CACNA1I: variants seen among roughly 807,000 people sequenced by gnomAD.
The protein encoded by CACNA1I is calcium voltage-gated channel subunit alpha1 I, also known as voltage-dependent T-type calcium channel subunit alpha-1I.
CACNA1I carries 74 observed loss-of-function variants against 201.6 expected under a neutral mutation model. The ratio of observed to expected loss-of-function variants is 0.37; its 90% confidence interval spans 0.30 to 0.45. The LOEUF is 0.45. CACNA1I is among the 20% of genes least tolerant of loss of function. CACNA1I has a pLI of 1.00. For missense variants in CACNA1I, 2,346 were observed against 3,138.1 expected (o/e 0.75, Z 6.03); for synonymous variants, 1,431 against 1,345.2 (o/e 1.06, Z -1.40).
intron 3 of CACNA1I, among the ~76,000 whole-genome samples, chr22:39,611,671 T>C (rs1039601359): frequency 6.6e-6 from 1 of 152,182 alleles, no homozygotes; most frequent in African/African-American, 2.4e-5. Flanking sequence ...TATCTGAAGC[T>C]CAGATTTAAC....
intron 1 of CACNA1I, 84 bp from the exon 2 acceptor site, chr22:39,598,066 TG>T: frequency 4.1e-6 from 3 of 730,996 alleles, no homozygotes; most frequent in Non-Finnish European, 7.3e-6. Context: ...GTGTGTGTGG[TG>T]GGTTGCGGGT....
At chr22:39,603,447 C>G (rs1933125093) in intron 3 of CACNA1I, among the ~76,000 whole-genome samples, 1 of 152,058 alleles carries the variant, frequency 6.6e-6, no homozygotes, top group African/African-American at 2.4e-5. Flanking sequence ...CTTTTTAATT[C>G]ACAAGAACAC....
At chr22:39,646,049 C>G (rs11705208) in intron 7 of CACNA1I, among the ~76,000 whole-genome samples, 1 of 151,992 alleles carries the variant, frequency 6.6e-6, no homozygotes, top group African/African-American at 2.4e-5. Context: ...ATGTCCCAGG[C>G]GGATGGGGGC....
In CACNA1I at chr22:39,598,231, A is replaced by G; in HGVS notation, c.317A>G (p.Asp106Gly). 1 of 1,605,482 alleles carries G rather than the reference A, an allele frequency of 6.2e-7. No individual in the cohort carries two copies. The highest frequency in any genetic ancestry group is 8.5e-7 in the Non-Finnish European group (1 of 1,176,650). The change falls in exon 2 of 37, where the codon GAC becomes GGC. Residue 106 changes from aspartate (D) to glycine (G), a missense_variant. Asp to Gly is a moderately conservative substitution (Grantham distance 94). Coordinates refer to ENST00000402142, the MANE Select transcript of CACNA1I (RefSeq NM_021096.4). ...ATGTACCAGCCGTGCGACGACATGG[A>G]CTGCCTGTCCGACCGCTGCAAGATC... is the stretch of plus-strand genomic sequence containing the variant. ...LGMYQPCDDM[D>G]CLSDRCKILQ...
chr22:39,670,267 C>T, intron 25 of CACNA1I, 37 bp downstream of exon 25: 1 of 1,592,004 alleles, frequency 6.3e-7, no homozygotes, highest in South Asian at 1.1e-5. Flanking sequence ...GGCCACCCAG[C>T]TCTAAGCCCT....
chr22:39,662,141 G>T lies in CACNA1I; in HGVS notation c.3078G>T (p.Pro1026=). 2 of 1,525,002 alleles carry T rather than the reference G, an allele frequency of 1.3e-6. No homozygotes were observed. The highest frequency in any genetic ancestry group is 1.8e-6 in the Non-Finnish European group (2 of 1,140,178). 94.5% of individuals were successfully genotyped at this position (1,525,002 alleles called of 1,614,324 possible). Residue 1026 remains proline (P), a synonymous_variant, in exon 17 of 37, where the codon CCG becomes CCT. Transcript: ENST00000402142. ...GCGAGGTTGCCGCGGACGAGGGGCC[G>T]CCGCGGGCCGCACCCCTGCACACCC... ...RVCEVAADEG[P]PRAAPLHTPH...
intron 1 of CACNA1I, among the ~76,000 whole-genome samples, chr22:39,578,720 T>G (rs1328506865): frequency 6.6e-6 from 1 of 152,152 alleles, no homozygotes; most frequent in Non-Finnish European, 1.5e-5. Context: ...GATTCTTTCC[T>G]CACTCCCCGT....
intron 1 of CACNA1I, among the ~76,000 whole-genome samples, chr22:39,588,821 C>T (rs971853498): frequency 6.6e-6 from 1 of 152,228 alleles, no homozygotes; most frequent in African/African-American, 2.4e-5. Context: ...ACCTTCTTCA[C>T]TGTAGATTGG....
rs377271884 is a variant in CACNA1I at position 39,677,320 on chromosome 22, G to A, written c.4855-21G>A. ...CCCACCCGCTCCCCAGCCCCACCCG[G>A]CCTCACCTGTCCTCCCGCAGGTGGG... On this transcript the variant is annotated intron_variant, in intron 29 of 36. Transcript: ENST00000402142. This position sits in a 1 kb window ranked among gnomAD's most constrained non-coding sequence, Gnocchi z 4.8. 1.9e-6 allele frequency: 3 copies of A among 1,559,864 alleles called. No homozygotes were observed. In the African/African-American group the frequency reaches 4.1e-5, roughly 21 times the overall value.
chr22:39,628,814 A>G (rs1243873961), intron 4 of CACNA1I, among the ~76,000 whole-genome samples: 1 of 152,116 alleles, frequency 6.6e-6, no homozygotes, highest in Admixed American at 6.5e-5. Context: ...TGGCCAGGCC[A>G]CAGCCTCGGC....
intron 15 of CACNA1I, 92 bp from the exon 16 acceptor site, chr22:39,661,016 C>T: frequency 9.6e-7 from 1 of 1,041,790 alleles, no homozygotes. Flanking sequence ...CATTTCTGCT[C>T]CTTCCTTGTT....
chr22:39,634,570 C>G lies in CACNA1I; in HGVS notation c.586C>G (p.Arg196Gly). ...LKAINRVPSM[R>G]ILVNLLLDTL... is the part of the protein sequence containing the mutation. Reference sequence around the variant, plus strand: ...TCCACCTTTTCCCCTCCCAGGTATGCGGATCCTGGTGAACCTGCTCCTGGA... The same window carrying G: ...TCCACCTTTTCCCCTCCCAGGTATGGGGATCCTGGTGAACCTGCTCCTGGA... The change falls in exon 5 of 37, where the codon CGG becomes GGG. Residue 196 changes from arginine to glycine, a missense_variant. Arg to Gly is a moderately radical substitution (Grantham distance 125). This residue lies in a region of CACNA1I where 227 missense variants were observed against 412.5 expected (regional missense o/e 0.55). Coordinates refer to ENST00000402142, the MANE Select transcript of CACNA1I (RefSeq NM_021096.4). 6.2e-7 allele frequency: 1 copy of G among 1,613,810 alleles called. No individual in the cohort carries two copies. Among genetic ancestry groups the G allele is most frequent in the Non-Finnish European group, 8.5e-7 (1 of 1,179,778 alleles).
chr22:39,648,084 C>T lies in CACNA1I; in HGVS notation c.1567+158C>T, dbSNP rs1384098955. The T allele has an allele frequency of 7.7e-6, 5 of 650,826 alleles. No individual in the cohort carries two copies. The highest frequency in any genetic ancestry group is 1.3e-5 in the Non-Finnish European group (5 of 381,058). The allele number at this position is 650,826 out of a possible 1,614,324, so 40.3% of individuals were successfully genotyped here. On this transcript the variant is annotated intron_variant, in intron 9 of 36. Coordinates refer to ENST00000402142, the MANE Select transcript of CACNA1I (RefSeq NM_021096.4). This position sits in a 1 kb window ranked among gnomAD's most constrained non-coding sequence, Gnocchi z 5.4. ...CTCTATAAAGTGAGGACAGGGGCCC[C>T]CAGCACGTGGCCGTCCACGGCGGGA...
intron 2 of CACNA1I, among the ~76,000 whole-genome samples, chr22:39,599,138 C>T (rs1347033595): frequency 2.0e-5 from 3 of 148,184 alleles, no homozygotes; most frequent in South Asian, 2.2e-4. Context: ...TTAGTAGAGA[C>T]GGGGTTTCAC....
Position 39,679,414 on chromosome 22 carries a change from G to T in CACNA1I, c.5363G>T (p.Gly1788Val). 1 of 1,434,610 alleles carries T rather than the reference G, an allele frequency of 7.0e-7. No homozygotes were observed. Among genetic ancestry groups the T allele is most frequent in the Non-Finnish European group, 9.0e-7 (1 of 1,106,992 alleles). 88.9% of individuals were successfully genotyped at this position (1,434,610 alleles called of 1,614,324 possible). A position where few individuals can be genotyped will look rare whatever the true frequency, so the allele number is the denominator to read the frequency against. ...GGCGGCGGGGGCGACACCGAGGGCG[G>T]CTTGTGCCGGCGCTGCTACTCGCCT... ...GAGGGGDTEGGLCRRCYSPAQ... is the reference protein window; with the variant it reads ...GAGGGGDTEGVLCRRCYSPAQ... Residue 1788 changes from glycine (G) to valine (V), a missense_variant, in exon 32 of 37, where the codon GGC becomes GTC. Coordinates refer to ENST00000402142, the MANE Select transcript of CACNA1I (RefSeq NM_021096.4).
In CACNA1I at chr22:39,682,802, A is replaced by G. The variant is rs960672539; in HGVS notation, c.5830+141A>G. ...AGAAAGAACCAGATGGATATCTGAC[A>G]ATGAGAGATAGACTCTCAGGCCTGA... is the stretch of plus-strand genomic sequence containing the variant. On this transcript the variant is annotated intron_variant, in intron 35 of 36. Transcript: ENST00000402142. 13 of 668,182 alleles carry G rather than the reference A, an allele frequency of 1.9e-5. No homozygotes were observed. In the African/African-American group the frequency reaches 2.4e-4, roughly 12 times the overall value. 41.4% of individuals were successfully genotyped at this position (668,182 alleles called of 1,614,324 possible). A position where few individuals can be genotyped will look rare whatever the true frequency, so the allele number is the denominator to read the frequency against.
Position 39,686,178 on chromosome 22 carries a change from C to A in CACNA1I, c.6445C>A (p.Pro2149Thr). ...CCCGCCGCCAGCCCCCGGCCTCACG[C>A]CCGCCAGGAAGTTCAGCAGCACCAG... Reference protein sequence around the residue: ...PPPPPAPGLTPARKFSSTSSL... With the variant: ...PPPPPAPGLTTARKFSSTSSL... Residue 2149 changes from proline to threonine, a missense_variant, in exon 37 of 37, where the codon CCC becomes ACC. Pro to Thr is a conservative substitution (Grantham distance 38). Coordinates refer to ENST00000402142, the MANE Select transcript of CACNA1I (RefSeq NM_021096.4). The A allele has an allele frequency of 7.8e-7, 1 of 1,287,390 alleles. No homozygotes were observed. Among genetic ancestry groups the A allele is most frequent in the South Asian group, 2.4e-5 (1 of 41,180 alleles). The allele number at this position is 1,287,390 out of a possible 1,614,324, so 79.7% of individuals were successfully genotyped here. A position where few individuals can be genotyped will look rare whatever the true frequency, so the allele number is the denominator to read the frequency against.
chr22:39,646,542 C>T (rs56032562), intron 7 of CACNA1I, 27 bp from the exon 8 acceptor site: 28,912 of 1,517,790 alleles, frequency 0.019, 331 homozygotes, highest in South Asian at 0.023. Context: ...TGTCCCTGTC[C>T]CTGTCCTCTC....
intron 1 of CACNA1I, among the ~76,000 whole-genome samples, chr22:39,592,843 G>A (rs918290004): frequency 1.3e-5 from 2 of 152,202 alleles, no homozygotes; most frequent in Admixed American, 6.5e-5. Flanking sequence ...GGCTCAAGCC[G>A]GAGACCTTGA....
Sources: gnomAD v4.1 joint callset for allele counts (sites outside exome capture counted in the v4.1 genomes callset) on GRCh38, gnomAD v4.1.1 for gene constraint, gnomAD v4.1.1 regional missense constraint, Gnocchi (gnomAD v3.1) non-coding constraint, MANE v1.5 for transcripts, NCBI Gene and HGNC (gene_info 2026-07-23, HGNC 2026-07-21) for gene names.